Variants in NFIC observed in about 807,000 individuals in gnomAD.
NFIC encodes nuclear factor I C, also known as nuclear factor 1 C-type.
NFIC carries 12 observed loss-of-function variants against 54.4 expected under a neutral mutation model. The ratio of observed to expected loss-of-function variants is 0.22; its 90% CI spans 0.14 to 0.36. The LOEUF (loss-of-function observed/expected upper bound fraction) is 0.36, where lower values mean the gene tolerates loss of function less well. NFIC is among the 10% of genes least tolerant of loss of function. The probability of loss-of-function intolerance (pLI) is 1.00; values close to 1 mark genes in which losing one functional copy is unlikely to be tolerated. For synonymous variants in NFIC, 322 were observed against 319.2 expected (o/e 1.01, Z -0.09); for missense variants, 575 against 718.2 (o/e 0.80, Z 2.28).
intron 2 of NFIC, among the ~76,000 whole-genome samples, chr19:3,384,845 G>A (rs2081267701): frequency 6.6e-6 from 1 of 152,144 alleles, no homozygotes; most frequent in Non-Finnish European, 1.5e-5. Flanking sequence ...CCTGTTGGGA[G>A]CAGGGGCCAC....
intron 1 of NFIC, among the ~76,000 whole-genome samples, chr19:3,373,381 AC>A (rs1197180267): frequency 6.6e-6 from 1 of 152,094 alleles, no homozygotes; most frequent in African/African-American, 2.4e-5. Context: ...ACTGTGGCCC[AC>A]AAGGCCCTGC....
chr19:3,368,610 C>T (rs947157980), intron 1 of NFIC, among the ~76,000 whole-genome samples: 2 of 152,152 alleles, frequency 1.3e-5, no homozygotes, highest in Admixed American at 6.5e-5. Context: ...GCTCCCTCCT[C>T]CCCTGCGATT....
intron 1 of NFIC, 35 bp downstream of exon 1, chr19:3,366,701 C>T (rs777057970): frequency 5.2e-6 from 7 of 1,339,454 alleles, no homozygotes; most frequent in Admixed American, 3.2e-5. Context: ...CCGGCGCCCC[C>T]GCGCCCCCCG....
intron 5 of NFIC, among the ~76,000 whole-genome samples, chr19:3,434,790 G>A (rs573979034): frequency 2.0e-5 from 3 of 152,164 alleles, no homozygotes; most frequent in Non-Finnish European, 2.9e-5. Flanking sequence ...GACTACAGGT[G>A]GCCAGGAGAT....
intron 3 of NFIC, among the ~76,000 whole-genome samples, chr19:3,425,991 G>A (rs1419783275): frequency 7.9e-6 from 1 of 127,194 alleles, no homozygotes; most frequent in African/African-American, 3.0e-5. Context: ...CTAGAGTGCA[G>A]TGGCGCGATC....
Position 3,453,642 on chromosome 19 carries a change from C to T in NFIC, c.1270-121C>T. The T allele has an allele frequency of 7.4e-7, 1 of 1,357,440 alleles. No homozygotes were observed. The highest frequency in any genetic ancestry group is 9.8e-7 in the Non-Finnish European group (1 of 1,024,344). The allele number at this position is 1,357,440 out of a possible 1,614,324, so 84.1% of individuals were successfully genotyped here. On this transcript the variant is annotated intron_variant, in intron 8 of 10. Coordinates refer to ENST00000443272, the MANE Select transcript of NFIC (RefSeq NM_001245002.2). The surrounding 1 kb of genome is among the most constrained non-coding windows in gnomAD (Gnocchi z 6.7). ...CAAACCCGCCATGGTCACACCCGCGCCCTGGCCCCCCAGCCTGCCACCCCG... is the reference window on the plus strand; with the variant it reads ...CAAACCCGCCATGGTCACACCCGCGTCCTGGCCCCCCAGCCTGCCACCCCG...
chr19:3,405,728 T>C (rs1424579664), intron 2 of NFIC, among the ~76,000 whole-genome samples: 3 of 151,518 alleles, frequency 2.0e-5, no homozygotes, highest in East Asian at 3.9e-4. Flanking sequence ...GCCTCTTGAG[T>C]AACTGGGATT....
At chr19:3,423,204 A>G (rs963691731) in intron 2 of NFIC, among the ~76,000 whole-genome samples, 1 of 152,176 alleles carries the variant, frequency 6.6e-6, no homozygotes, top group Non-Finnish European at 1.5e-5. Context: ...TCTCAAAAAA[A>G]TAAAAATAAA....
intron 6 of NFIC, 40 bp from the exon 7 acceptor site, chr19:3,448,974 G>T: frequency 6.3e-7 from 1 of 1,590,804 alleles, no homozygotes; most frequent in Non-Finnish European, 8.6e-7. Flanking sequence ...CTCATGGGGT[G>T]TGACCAGCCT....
In NFIC at chr19:3,427,422, A is replaced by G. The variant is rs116350340; in HGVS notation, c.634+2245A>G. Among the ~76,000 whole-genome samples the G allele has an allele frequency of 4.9e-3, 743 of 152,292 alleles. 5 individuals are homozygous for G. The highest frequency in any genetic ancestry group is 0.016 in the African/African-American group (646 of 41,562). On this transcript the variant is annotated intron_variant, in intron 3 of 10. Coordinates refer to ENST00000443272, the MANE Select transcript of NFIC (RefSeq NM_001245002.2). ...CAGGGCTTAGAATGGGGCCTGATGC[A>G]GAGTGGGTGCTCAATAAATACTTGT...
chr19:3,440,497 C>G (rs1409077895), intron 6 of NFIC, among the ~76,000 whole-genome samples: 1 of 151,278 alleles, frequency 6.6e-6, no homozygotes, highest in Non-Finnish European at 1.5e-5. Flanking sequence ...AATGCGCGAT[C>G]TTGACTCACT....
chr19:3,442,743 G>A (rs1291254555), intron 6 of NFIC, among the ~76,000 whole-genome samples: 1 of 152,012 alleles, frequency 6.6e-6, no homozygotes, highest in Non-Finnish European at 1.5e-5. Context: ...GCCTGGGGAG[G>A]GACAGAGTTG....
chr19:3,437,026 C>T (rs953493120), intron 6 of NFIC, among the ~76,000 whole-genome samples: 2 of 152,024 alleles, frequency 1.3e-5, no homozygotes, highest in Non-Finnish European at 2.9e-5. Context: ...CTGGCCCATG[C>T]GACATACCCG....
chr19:3,366,775 C>A, intron 1 of NFIC, 109 bp downstream of exon 1: 1 of 764,894 alleles, frequency 1.3e-6, no homozygotes, highest in Non-Finnish European at 1.9e-6. Context: ...GTCCCTCCCG[C>A]CATCCCTGCC....
chr19:3,407,405 G>A (rs893710406), intron 2 of NFIC, among the ~76,000 whole-genome samples: 7 of 150,174 alleles, frequency 4.7e-5, no homozygotes, highest in Non-Finnish European at 1.0e-4. Context: ...GAGCCACCGC[G>A]CCCGGCCCAA....
intron 6 of NFIC, 70 bp from the exon 7 acceptor site, chr19:3,448,944 G>A: frequency 6.5e-7 from 1 of 1,530,494 alleles, no homozygotes; most frequent in East Asian, 2.3e-5. Context: ...TCGGAGGCTG[G>A]CTTTGGGGAA....
At chr19:3,377,905 C>T (rs915951611) in intron 1 of NFIC, among the ~76,000 whole-genome samples, 2 of 151,830 alleles carry the variant, frequency 1.3e-5, no homozygotes, top group African/African-American at 4.8e-5. Flanking sequence ...TACAGACGCG[C>T]ACCACAAAAA....
Position 3,463,685 on chromosome 19 carries a change from G to A in NFIC, c.*916G>A. On this transcript the variant is annotated 3_prime_UTR_variant, in exon 11 of 11. Transcript: ENST00000443272. ...CCTCGCCCGGCTCACACCCCCAAAG[G>A]GAGGGACCCACATTGCACACACTGT... 1 of 971,666 alleles carries A rather than the reference G, an allele frequency of 1.0e-6. No homozygotes were observed. Among genetic ancestry groups the A allele is most frequent in the African/African-American group, 1.9e-5 (1 of 53,232 alleles). The allele number at this position is 971,666 out of a possible 1,614,324, so 60.2% of individuals were successfully genotyped here.
chr19:3,452,747 C>G lies in NFIC; in HGVS notation c.1269+81C>G. ...GGGGCCACGTGCTCACACGAAGGCACAACCTCTGCTTAAAAGGGTCTTGAG... is the reference window on the plus strand; with the variant it reads ...GGGGCCACGTGCTCACACGAAGGCAGAACCTCTGCTTAAAAGGGTCTTGAG... On this transcript the variant is annotated intron_variant, in intron 8 of 10. Coordinates refer to ENST00000443272, the MANE Select transcript of NFIC (RefSeq NM_001245002.2). The surrounding 1 kb of genome is among the most constrained non-coding windows in gnomAD (Gnocchi z 5.3). 2.0e-6 allele frequency: 3 copies of G among 1,479,464 alleles called. No individual in the cohort carries two copies. Among genetic ancestry groups the G allele is most frequent in the Non-Finnish European group, 2.7e-6 (3 of 1,106,156 alleles). 91.6% of individuals were successfully genotyped at this position (1,479,464 alleles called of 1,614,324 possible).
Sources: allele counts gnomAD v4.1 joint callset (sites outside exome capture counted in the v4.1 genomes callset), GRCh38; gene constraint gnomAD v4.1.1; non-coding constraint Gnocchi (gnomAD v3.1); transcripts MANE v1.5; gene names NCBI Gene and HGNC (gene_info 2026-07-23, HGNC 2026-07-21).